Variants in RPS6KC1 observed in about 807,000 individuals in gnomAD.
RPS6KC1 encodes inactive ribosomal protein S6 kinase delta-1.
Under a neutral mutation model 103.8 loss-of-function variants are expected in RPS6KC1, and 54 were observed. The observed-to-expected ratio is 0.52, with a 90% CI of 0.42 to 0.65. RPS6KC1 has a LOEUF of 0.65. Ranked by LOEUF, RPS6KC1 falls within the 30% of genes least tolerant of loss-of-function variation. The probability of loss-of-function intolerance (pLI) is 0.00; values close to 1 mark genes in which losing one functional copy is unlikely to be tolerated. For synonymous variants in RPS6KC1, 439 were observed against 438.7 expected (o/e 1.00, Z -0.01); for missense variants, 1,151 against 1,253.8 (o/e 0.92, Z 1.24).
At chr1:213,644,074 T>A in the RPS6KC1 span, among the ~76,000 whole-genome samples, 11 of 152,090 alleles carry the variant, frequency 7.2e-5, 1 homozygote, top group Non-Finnish European at 1.6e-4. Flanking sequence ...AAATGTTTCT[T>A]ATAAGGCTTT....
At chr1:213,767,911 C>G in the RPS6KC1 span, among the ~76,000 whole-genome samples, 1 of 152,158 alleles carries the variant, frequency 6.6e-6, no homozygotes, top group African/African-American at 2.4e-5. Context: ...TAGCACACTA[C>G]TGGTCACGCC....
the RPS6KC1 span, among the ~76,000 whole-genome samples, chr1:213,287,886 T>A: frequency 2.0e-5 from 3 of 152,192 alleles, no homozygotes; most frequent in Non-Finnish European, 4.4e-5. Context: ...CCATAATTAA[T>A]TAGATTCAGT....
the RPS6KC1 span, among the ~76,000 whole-genome samples, chr1:213,678,116 A>AT: frequency 1.3e-5 from 2 of 152,140 alleles, no homozygotes; most frequent in African/African-American, 2.4e-5. Context: ...GCTATCAACC[A>AT]TTTTTTGCTG....
At chr1:213,084,331 ACAGT>A (rs1300602316) in intron 3 of RPS6KC1, among the ~76,000 whole-genome samples, 1 of 152,104 alleles carries the variant, frequency 6.6e-6, no homozygotes, top group Non-Finnish European at 1.5e-5. Flanking sequence ...GTGCAGTGTC[ACAGT>A]CATGGCTCAC....
the RPS6KC1 span, among the ~76,000 whole-genome samples, chr1:213,760,834 A>G: frequency 6.0e-5 from 9 of 151,256 alleles, no homozygotes; most frequent in Middle Eastern, 3.4e-3. Context: ...CTGTGTCAGG[A>G]AAGTGTGAGT....
the RPS6KC1 span, among the ~76,000 whole-genome samples, chr1:213,598,046 G>C: frequency 6.6e-6 from 1 of 152,148 alleles, no homozygotes; most frequent in East Asian, 1.9e-4. Context: ...AGTAATTGTG[G>C]GTTTTGCCAT....
chr1:213,743,329 A>C, the RPS6KC1 span, among the ~76,000 whole-genome samples: 2 of 152,178 alleles, frequency 1.3e-5, no homozygotes, highest in Admixed American at 6.5e-5. Context: ...AAAGGAGCTG[A>C]ACATTGAACA....
chr1:213,139,506 G>C (rs937208776), intron 6 of RPS6KC1, among the ~76,000 whole-genome samples: 1 of 151,884 alleles, frequency 6.6e-6, no homozygotes, highest in Non-Finnish European at 1.5e-5. Flanking sequence ...TCCATCTTTA[G>C]TTGATTTTTA....
chr1:213,602,046 TTCTTTCTTTC>T, the RPS6KC1 span, among the ~76,000 whole-genome samples: 33 of 72,234 alleles, frequency 4.6e-4, 7 homozygotes, highest in East Asian at 1.3e-3. Flanking sequence ...CTTTCTTTCT[TTCTTTCTTTC>T]TCTTTCTTTC....
chr1:213,131,999 A>T (rs1022470846), intron 6 of RPS6KC1, among the ~76,000 whole-genome samples: 1 of 152,222 alleles, frequency 6.6e-6, no homozygotes, highest in African/African-American at 2.4e-5. Flanking sequence ...TTAATCTTAG[A>T]ACATTTCATA....
At chr1:213,545,608 C>T in the RPS6KC1 span, among the ~76,000 whole-genome samples, 1 of 151,894 alleles carries the variant, frequency 6.6e-6, no homozygotes, top group African/African-American at 2.4e-5. Context: ...TTCATGACCT[C>T]ATTTTAGCTT....
the RPS6KC1 span, among the ~76,000 whole-genome samples, chr1:213,393,665 A>G: frequency 1.3e-5 from 2 of 152,284 alleles, no homozygotes; most frequent in African/African-American, 2.4e-5. Context: ...TGAGATTGTC[A>G]TATCTGCAGA....
the RPS6KC1 span, among the ~76,000 whole-genome samples, chr1:213,715,730 A>C: frequency 6.6e-6 from 1 of 152,238 alleles, no homozygotes; most frequent in Non-Finnish European, 1.5e-5. Flanking sequence ...AGATTAGTCC[A>C]TCATCTGTTT....
chr1:213,348,515 A>G, the RPS6KC1 span, among the ~76,000 whole-genome samples: 1 of 152,210 alleles, frequency 6.6e-6, no homozygotes, highest in Admixed American at 6.5e-5. Context: ...CATCTTGAGG[A>G]TGACACCAAC....
At chr1:213,306,741 G>A in the RPS6KC1 span, among the ~76,000 whole-genome samples, 3 of 152,194 alleles carry the variant, frequency 2.0e-5, no homozygotes, top group Non-Finnish European at 4.4e-5. Context: ...GCAGCACCTA[G>A]GCTCAGTGGG....
chr1:213,185,767 C>T (rs1179393632), intron 8 of RPS6KC1, among the ~76,000 whole-genome samples: 3 of 150,462 alleles, frequency 2.0e-5, no homozygotes, highest in Admixed American at 6.6e-5. Flanking sequence ...TTTGACACTC[C>T]TGTCTTTTTT....
At chr1:213,177,932 T>C (rs976144173) in intron 8 of RPS6KC1, among the ~76,000 whole-genome samples, 3 of 152,106 alleles carry the variant, frequency 2.0e-5, no homozygotes, top group African/African-American at 7.2e-5. Flanking sequence ...GGCTGGGTGC[T>C]GTAGTTTGCA....
chr1:213,608,763 A>G, the RPS6KC1 span, among the ~76,000 whole-genome samples: 1 of 152,232 alleles, frequency 6.6e-6, no homozygotes, highest in East Asian at 1.9e-4. Flanking sequence ...TAGAATAGTC[A>G]TACTATATTA....
the RPS6KC1 span, among the ~76,000 whole-genome samples, chr1:213,636,107 G>T: frequency 2.6e-5 from 4 of 151,878 alleles, no homozygotes; most frequent in African/African-American, 7.3e-5. Flanking sequence ...CACTGCTCAA[G>T]GAAATAAAAG....
Sources: allele counts gnomAD v4.1 joint callset (sites outside exome capture counted in the v4.1 genomes callset), GRCh38; gene constraint gnomAD v4.1.1; transcripts MANE v1.5; gene names NCBI Gene and HGNC (gene_info 2026-07-23, HGNC 2026-07-21).